Variants in ABR observed in about 807,000 individuals in gnomAD.
ABR encodes ABR activator of RhoGEF and GTPase.
A neutral mutation model predicts 107.2 loss-of-function variants in ABR; 35 were observed. The ratio of observed to expected loss-of-function variants is 0.33; its 90% CI spans 0.25 to 0.43. ABR has a LOEUF of 0.43. Among genes scored for constraint, ABR ranks in the 20% least tolerant of loss-of-function variants. The probability of loss-of-function intolerance (pLI) is 1.00; values close to 1 mark genes in which losing one functional copy is unlikely to be tolerated. For missense variants in ABR, 815 were observed against 1,115.2 expected, an observed-to-expected ratio of 0.73 and a Z score of 3.83; for synonymous variants, 498 against 462.0, an observed-to-expected ratio of 1.08 and a Z score of -1.00.
At position 1,025,635 on chromosome 17, in the gene ABR, G is replaced by GC. The variant is rs199586576; in HGVS notation, c.1792-12472dup. Among the ~76,000 whole-genome samples the GC allele has an allele frequency of 5.3e-4, 81 of 152,266 alleles. No homozygotes were observed. In the East Asian group the frequency reaches 0.015, roughly 28 times the overall value. ...CCGGTTCTTTGGCCTGGAATGCACT[G>GC]CCCCCAGGTTTTTTATGGCTGAATT... On this transcript the variant is annotated intron_variant, in intron 16 of 22. Transcript: ENST00000302538.
At position 1,092,816 on chromosome 17, in the gene ABR, G is replaced by T. The variant is rs895763014; in HGVS notation, c.346-966C>A. Among the ~76,000 whole-genome samples the T allele has an allele frequency of 2.0e-5, 3 of 151,966 alleles. No homozygotes were observed. Among genetic ancestry groups the T allele is most frequent in the Non-Finnish European group, 4.4e-5 (3 of 67,942 alleles). On this transcript the variant is annotated intron_variant, in intron 3 of 22. Transcript: ENST00000302538. This position sits in a 1 kb window ranked among gnomAD's most constrained non-coding sequence, Gnocchi z 4.6. ...GCAGGGAAGGGCAGGGTGGCCAGAG[G>T]GAGAGCAGCCACGTCGAATTCTTTT...
At chr17:1,063,660 G>C (rs1197168879) in intron 10 of ABR, among the ~76,000 whole-genome samples, 26 of 148,106 alleles carry the variant, frequency 1.8e-4, no homozygotes, top group African/African-American at 6.0e-4. Flanking sequence ...TGTGAACTGA[G>C]GGCTATGCAT....
chr17:1,173,656 G>A (rs1442180271), intron 1 of ABR, among the ~76,000 whole-genome samples: 5 of 152,248 alleles, frequency 3.3e-5, no homozygotes, highest in Admixed American at 2.6e-4. Context: ...GCTAACAGGG[G>A]TTTCTGCTGC....
intron 1 of ABR, among the ~76,000 whole-genome samples, chr17:1,175,953 T>C (rs2041904008): frequency 6.6e-6 from 1 of 151,884 alleles, no homozygotes; most frequent in African/African-American, 2.4e-5. Flanking sequence ...TAGCCGGGCG[T>C]GGTGGCGGGC....
At chr17:1,063,052 T>C (rs61139632) in intron 10 of ABR, among the ~76,000 whole-genome samples, 18 of 123,730 alleles carry the variant, frequency 1.5e-4, no homozygotes, top group South Asian at 5.8e-4. Context: ...GCTGTTGTTA[T>C]GTGAACTGAG....
rs987088304 is a variant in ABR at position 1,051,644 on chromosome 17, G to A, written c.1562-1010C>T. On this transcript the variant is annotated intron_variant, in intron 14 of 22. Coordinates refer to ENST00000302538, the MANE Select transcript of ABR (RefSeq NM_021962.5). This position sits in a 1 kb window ranked among gnomAD's most constrained non-coding sequence, Gnocchi z 4.3. ...TTCCCAGGGTACCAGAGGTGGTGTG[G>A]GAGGTGCCTTTGGGACACTATGGCC... Among the ~76,000 whole-genome samples the A allele has an allele frequency of 6.6e-5, 10 of 152,210 alleles. No homozygotes were observed. The highest frequency in any genetic ancestry group is 1.2e-4 in the Non-Finnish European group (8 of 68,044).
chr17:1,129,538 A>T (rs1228117629), intron 1 of ABR, among the ~76,000 whole-genome samples: 1 of 152,146 alleles, frequency 6.6e-6, no homozygotes, highest in Non-Finnish European at 1.5e-5. Flanking sequence ...TCTCAAAAAA[A>T]CAAAAACAAA....
chr17:1,047,300 C>T (rs1459381370), intron 16 of ABR, among the ~76,000 whole-genome samples: 1 of 152,256 alleles, frequency 6.6e-6, no homozygotes, highest in African/African-American at 2.4e-5. Flanking sequence ...GATGTGTGGC[C>T]GGAGTGAAGG....
intron 1 of ABR, among the ~76,000 whole-genome samples, chr17:1,199,578 A>G (rs2042634965): frequency 6.6e-6 from 1 of 151,116 alleles, no homozygotes; most frequent in Admixed American, 6.6e-5. Context: ...CCTCCCAAGT[A>G]GCTAGGATTA....
chr17:1,119,960 T>A (rs1416288124), intron 2 of ABR, among the ~76,000 whole-genome samples: 2 of 152,180 alleles, frequency 1.3e-5, no homozygotes, highest in Non-Finnish European at 2.9e-5. Context: ...GCAGGCGTGA[T>A]CCTAGCACCT....
intron 16 of ABR, among the ~76,000 whole-genome samples, chr17:1,040,837 G>A (rs936935568): frequency 1.3e-5 from 2 of 152,240 alleles, no homozygotes; most frequent in African/African-American, 2.4e-5. Context: ...CCCAACTAAC[G>A]ATGGAGAAAG....
At chr17:1,038,950 C>A (rs532798670) in intron 16 of ABR, among the ~76,000 whole-genome samples, 1 of 152,362 alleles carries the variant, frequency 6.6e-6, no homozygotes, top group South Asian at 2.1e-4. Context: ...GGGGAGGAAT[C>A]TATGTCTGCG....
intron 1 of ABR, among the ~76,000 whole-genome samples, chr17:1,160,025 G>A (rs2041225814): frequency 6.6e-6 from 1 of 152,146 alleles, no homozygotes; most frequent in Admixed American, 6.6e-5. Context: ...AGGTCCCTTG[G>A]GGCTGAGAGG....
intron 1 of ABR, among the ~76,000 whole-genome samples, chr17:1,208,887 C>CAAAAA (rs544264330): frequency 1.7e-4 from 11 of 64,708 alleles, no homozygotes; most frequent in African/African-American, 5.8e-4. Context: ...GACTCCGTCT[C>CAAAAA]AAAAAAAAAA....
At chr17:1,076,994 G>C (rs573029306) in intron 6 of ABR, among the ~76,000 whole-genome samples, 36 of 152,348 alleles carry the variant, frequency 2.4e-4, no homozygotes, top group African/African-American at 8.4e-4. Context: ...TACTCGCTCT[G>C]TGCCCAAGGG....
At chr17:1,123,543 G>GGT (rs1364361486) in intron 2 of ABR, among the ~76,000 whole-genome samples, 1 of 152,192 alleles carries the variant, frequency 6.6e-6, no homozygotes, top group East Asian at 1.9e-4. Context: ...AACCAGTCAT[G>GGT]GTGGTCACGC....
In ABR at chr17:1,216,170, A is replaced by AT. The variant is rs565109516; in HGVS notation, c.838+12622dup. Among the ~76,000 whole-genome samples, 96 of 152,128 alleles carry AT rather than the reference A, an allele frequency of 6.3e-4. No homozygotes were observed. In the East Asian group the frequency reaches 0.017, roughly 26 times the overall value. On this transcript the variant is annotated intron_variant, in intron 1 of 22. Transcript: ENST00000574139. The stretch of plus-strand genomic sequence containing the variant: ...TCCGAGAAACACCCAAGAATGATCA[A>AT]TAAATACTAAAAAAAAAAAGAAAGA...
rs1232331423 is a variant in ABR at position 1,157,728 on chromosome 17, C to G, written c.61+21939G>C. On this transcript the variant is annotated intron_variant, in intron 1 of 22. Transcript: ENST00000302538. This position sits in a 1 kb window ranked among gnomAD's most constrained non-coding sequence, Gnocchi z 4.7. ...CAGGCACACCGCTCTCACGCCAATG[C>G]GTGCGGACAGCCTGGTGGGATCAGC... Among the ~76,000 whole-genome samples, 3 of 152,244 alleles carry G rather than the reference C, an allele frequency of 2.0e-5. No individual in the cohort carries two copies. Among genetic ancestry groups the G allele is most frequent in the Admixed American group, 1.3e-4 (2 of 15,286 alleles).
chr17:1,160,912 G>T (rs1410354447), intron 1 of ABR, among the ~76,000 whole-genome samples: 1 of 152,226 alleles, frequency 6.6e-6, no homozygotes, highest in Non-Finnish European at 1.5e-5. Context: ...TGCGGTGGAG[G>T]CAACGTCACT....
Sources: allele counts gnomAD v4.1 joint callset (sites outside exome capture counted in the v4.1 genomes callset), GRCh38; gene constraint gnomAD v4.1.1; non-coding constraint Gnocchi (gnomAD v3.1); transcripts MANE v1.5; gene names NCBI Gene and HGNC (gene_info 2026-07-23, HGNC 2026-07-21).